Variants in TLCD4 observed in about 807,000 individuals in gnomAD.
TLCD4 encodes TLC domain containing 4, also known as TLC domain-containing protein 4.
A neutral mutation model predicts 24.2 loss-of-function variants in TLCD4; 7 were observed. That is an observed-to-expected ratio of 0.29 (90% CI 0.16 to 0.54). The LOEUF is 0.54. Among genes scored for constraint, TLCD4 ranks in the 20% least tolerant of loss-of-function variants. The pLI, the probability that TLCD4 is intolerant of heterozygous loss-of-function variation, is 0.95. For missense variants in TLCD4, 259 were observed against 313.9 expected, an observed-to-expected ratio of 0.82 and a Z score of 1.32; for synonymous variants, 103 against 106.4, an observed-to-expected ratio of 0.97 and a Z score of 0.20.
chr1:95,104,678 A>AAAAAAAAAAAAAAAAAAAAAAAAAAAAC, the TLCD4 span, among the ~76,000 whole-genome samples: 1 of 148,162 alleles, frequency 6.7e-6, no homozygotes, highest in South Asian at 2.2e-4. Context: ...AAAAAAAAAA[A>AAAAAAAAAAAAAAAAAAAAAAAAAAAAC]AAGCGTTTAA....
intron 6 of TLCD4, among the ~76,000 whole-genome samples, chr1:95,190,678 T>A (rs1157138234): frequency 6.6e-6 from 1 of 152,136 alleles, no homozygotes; most frequent in Non-Finnish European, 1.5e-5. Context: ...TGCCTCAGCC[T>A]CCCAAAGTGC....
Position 95,194,742 on chromosome 1 carries a change from G to A in TLCD4, c.*2874G>A, listed in dbSNP as rs151102425. 6.6e-6 allele frequency: 1 copy of A among 152,152 alleles called. No individual in the cohort carries two copies. The highest frequency in any genetic ancestry group is 1.9e-4 in the East Asian group (1 of 5,174). 9.4% of individuals were successfully genotyped at this position (152,152 alleles called of 1,614,324 possible). On this transcript the variant is annotated 3_prime_UTR_variant, in exon 7 of 7. Coordinates refer to ENST00000370203, the MANE Select transcript of TLCD4 (RefSeq NM_152487.3). ...CCAACTAATAGCATGCAAGATCATA[G>A]ATCCTGCATTAAATTTTTATTTGTG...
the TLCD4 span, among the ~76,000 whole-genome samples, chr1:95,101,410 AGTGTGT>A: frequency 0.14 from 19,579 of 142,332 alleles, 1,413 homozygotes; most frequent in African/African-American, 0.17. Context: ...GACTAATTAA[AGTGTGT>A]GTGTGTGTGT....
intron 6 of TLCD4, among the ~76,000 whole-genome samples, chr1:95,175,703 C>G (rs1678396080): frequency 6.6e-6 from 1 of 152,078 alleles, no homozygotes; most frequent in African/African-American, 2.4e-5. Context: ...TTGCTGTTTT[C>G]TGTTCTTCTG....
chr1:95,187,460 G>GTT (rs1678866579), intron 6 of TLCD4, among the ~76,000 whole-genome samples: 2 of 152,026 alleles, frequency 1.3e-5, no homozygotes, highest in Non-Finnish European at 2.9e-5. Flanking sequence ...GTACTGATCA[G>GTT]GTGTTTTGTA....
intron 5 of TLCD4, among the ~76,000 whole-genome samples, chr1:95,172,522 C>T (rs925882995): frequency 2.6e-5 from 4 of 152,160 alleles, no homozygotes; most frequent in African/African-American, 9.7e-5. Context: ...TTCAATGCTC[C>T]TCTTGCCTGC....
At chr1:95,151,001 G>A (rs1677478179) in intron 4 of TLCD4, among the ~76,000 whole-genome samples, 3 of 152,088 alleles carry the variant, frequency 2.0e-5, no homozygotes, top group Admixed American at 2.0e-4. Context: ...AGTAATTGCA[G>A]TTTTTGTGAT....
intron 1 of TLCD4, among the ~76,000 whole-genome samples, chr1:95,123,373 G>C (rs1676622971): frequency 6.6e-6 from 1 of 152,186 alleles, no homozygotes; most frequent in Admixed American, 6.5e-5. Context: ...GAAAGGGTGA[G>C]GCCAAGAGGA....
chr1:95,191,361 C>A (rs6695953), intron 6 of TLCD4, among the ~76,000 whole-genome samples, 189 bp from the exon 7 acceptor site: 2 of 152,148 alleles, frequency 1.3e-5, no homozygotes, highest in African/African-American at 4.8e-5. Context: ...TGATTACTGT[C>A]GCTTTATAGT....
At chr1:95,186,197 C>T (rs978825205) in intron 6 of TLCD4, among the ~76,000 whole-genome samples, 2 of 152,104 alleles carry the variant, frequency 1.3e-5, no homozygotes, top group African/African-American at 4.8e-5. Context: ...CATTTATCCC[C>T]ATTTATAGAG....
chr1:95,095,763 T>C, the TLCD4 span, among the ~76,000 whole-genome samples: 2 of 152,238 alleles, frequency 1.3e-5, no homozygotes, highest in African/African-American at 2.4e-5. Flanking sequence ...CATAGTATTA[T>C]TGTGAGAATT....
At chr1:95,147,227 C>T (rs1677379749) in intron 2 of TLCD4, among the ~76,000 whole-genome samples, 1 of 152,016 alleles carries the variant, frequency 6.6e-6, no homozygotes, top group Non-Finnish European at 1.5e-5. Flanking sequence ...GTGTGTACCA[C>T]CATACCCAGC....
At chr1:95,171,833 T>C (rs191211280) in intron 5 of TLCD4, among the ~76,000 whole-genome samples, 1 of 152,324 alleles carries the variant, frequency 6.6e-6, no homozygotes, top group Admixed American at 6.5e-5. Context: ...AAGTCATAAC[T>C]CCCAGTACCT....
chr1:95,162,548 T>C (rs1413553973), intron 5 of TLCD4, among the ~76,000 whole-genome samples: 5 of 152,252 alleles, frequency 3.3e-5, no homozygotes, highest in African/African-American at 1.2e-4. Context: ...GCCATTATGA[T>C]GTTAGCTGGT....
chr1:95,143,745 G>A (rs538617855), intron 1 of TLCD4, 146 bp from the exon 2 acceptor site: 8 of 784,934 alleles, frequency 1.0e-5, no homozygotes, highest in Admixed American at 4.3e-5. Context: ...ATATACAAAA[G>A]GTCAAAAATT....
chr1:95,096,077 G>T, the TLCD4 span, among the ~76,000 whole-genome samples: 2 of 152,206 alleles, frequency 1.3e-5, no homozygotes, highest in Non-Finnish European at 2.9e-5. Context: ...GCAAGCTACA[G>T]CTGCAAAGCA....
intron 1 of TLCD4, among the ~76,000 whole-genome samples, chr1:95,139,174 C>CA (rs71097248): frequency 0.17 from 12,954 of 76,386 alleles, 1,037 homozygotes; most frequent in Non-Finnish European, 0.22. Context: ...GAACCTGTGT[C>CA]AAAAAAAAAA....
chr1:95,095,128 A>G, the TLCD4 span, among the ~76,000 whole-genome samples: 1 of 152,202 alleles, frequency 6.6e-6, no homozygotes, highest in African/African-American at 2.4e-5. Context: ...CACGGTGGCT[A>G]TGCTTAATAA....
intron 6 of TLCD4, among the ~76,000 whole-genome samples, chr1:95,183,752 C>T (rs1392816739): frequency 2.0e-5 from 3 of 152,014 alleles, no homozygotes; most frequent in Non-Finnish European, 2.9e-5. Flanking sequence ...GCAGGAGAAT[C>T]GCTTGAATCT....
Sources: gnomAD v4.1 joint callset for allele counts (sites outside exome capture counted in the v4.1 genomes callset) on GRCh38, gnomAD v4.1.1 for gene constraint, MANE v1.5 for transcripts, NCBI Gene and HGNC (gene_info 2026-07-23, HGNC 2026-07-21) for gene names.